Variants in FAM120A observed in about 807,000 individuals in gnomAD.
FAM120A encodes constitutive coactivator of PPAR-gamma-like protein 1.
Under a neutral mutation model 109.7 loss-of-function variants are expected in FAM120A, and 15 were observed. That is an observed-to-expected ratio of 0.14 (90% CI 0.09 to 0.21). FAM120A has a LOEUF of 0.21. FAM120A is among the 10% of genes least tolerant of loss of function. The pLI is 1.00. For synonymous variants in FAM120A, 493 were observed against 572.8 expected, an observed-to-expected ratio of 0.86 and a Z score of 1.99; for missense variants, 899 against 1,439.3, an observed-to-expected ratio of 0.62 and a Z score of 6.07.
intron 11 of FAM120A, among the ~76,000 whole-genome samples, chr9:93,547,309 C>T (rs1861922685): frequency 6.6e-6 from 1 of 152,174 alleles, no homozygotes; most frequent in Admixed American, 6.5e-5. Context: ...AATACAGTAA[C>T]AGGGATGGAG....
chr9:93,557,127 GTTTT>G (rs60903831), intron 13 of FAM120A, among the ~76,000 whole-genome samples: 2 of 120,184 alleles, frequency 1.7e-5, no homozygotes, highest in Admixed American at 8.7e-5. Context: ...GTTTGTTTTG[GTTTT>G]TTTTTTTTTT....
At chr9:93,549,045 A>G (rs182431264) in intron 11 of FAM120A, among the ~76,000 whole-genome samples, 145 of 151,894 alleles carry the variant, frequency 9.5e-4, no homozygotes, top group Non-Finnish European at 1.8e-3. Flanking sequence ...TCCATCTCAA[A>G]AAAAACAAAA....
At chr9:93,505,047 T>TTG (rs1859972794) in intron 5 of FAM120A, among the ~76,000 whole-genome samples, 3 of 135,348 alleles carry the variant, frequency 2.2e-5, no homozygotes, top group Non-Finnish European at 4.7e-5. Context: ...TGTTGTTCGC[T>TTG]TGTGTTTTTT....
rs572868965 is a variant in FAM120A at position 93,465,019 on chromosome 9, A to G, written c.475-6122A>G. Among the ~76,000 whole-genome samples, 3 of 152,296 alleles carry G rather than the reference A, an allele frequency of 2.0e-5. No individual in the cohort carries two copies. The South Asian group carries it at 6.2e-4, about 32-fold the overall frequency. Reference sequence around the variant, plus strand: ...GCCAGGGAAGAGAAGAAGCAGATAAATAAGAGTGAGAGAGTAGCTTAGTAT... The same window carrying G: ...GCCAGGGAAGAGAAGAAGCAGATAAGTAAGAGTGAGAGAGTAGCTTAGTAT... On this transcript the variant is annotated intron_variant, in intron 1 of 17. Transcript: ENST00000277165.
intron 2 of FAM120A, among the ~76,000 whole-genome samples, chr9:93,475,359 A>AT (rs1858504806): frequency 6.6e-6 from 1 of 152,224 alleles, no homozygotes; most frequent in Non-Finnish European, 1.5e-5. Flanking sequence ...ACTTTACATC[A>AT]TTTTGGACTA....
chr9:93,471,767 T>G (rs1050762001), intron 2 of FAM120A, among the ~76,000 whole-genome samples: 2 of 152,188 alleles, frequency 1.3e-5, no homozygotes, highest in African/African-American at 4.8e-5. Context: ...GCTATGGGGT[T>G]AGAATGGTTA....
At chr9:93,546,220 A>G (rs919362053) in intron 11 of FAM120A, among the ~76,000 whole-genome samples, 10 of 152,222 alleles carry the variant, frequency 6.6e-5, no homozygotes, top group Admixed American at 2.0e-4. Flanking sequence ...AGATCAAATT[A>G]GCAATAATGA....
rs375530799 is a variant in FAM120A at position 93,558,564 on chromosome 9, T to C, written c.2669-17T>C. 17 of 1,613,628 alleles carry C rather than the reference T, an allele frequency of 1.1e-5. No individual in the cohort carries two copies. The African/African-American group carries it at 1.3e-4, about 13-fold the overall frequency. ...CCCTTACACTTCTCCCCTCTCTCTCTACCCCGGGTCCCACAGGCGTCTGTG... is the reference window on the plus strand; with the variant it reads ...CCCTTACACTTCTCCCCTCTCTCTCCACCCCGGGTCCCACAGGCGTCTGTG... On this transcript the variant is annotated splice_polypyrimidine_tract_variant and intron_variant, in intron 14 of 17. Transcript: ENST00000277165.
chr9:93,563,229 G>C (rs1464079663), intron 17 of FAM120A, among the ~76,000 whole-genome samples: 1 of 152,208 alleles, frequency 6.6e-6, no homozygotes, highest in Non-Finnish European at 1.5e-5. Flanking sequence ...CCTAGAAGAT[G>C]CTGGAAGGTA....
intron 3 of FAM120A, among the ~76,000 whole-genome samples, chr9:93,491,013 G>T (rs1156908711): frequency 1.3e-5 from 2 of 152,158 alleles, no homozygotes; most frequent in Non-Finnish European, 2.9e-5. Context: ...CCTAACATGG[G>T]CCTGATAGAT....
intron 5 of FAM120A, among the ~76,000 whole-genome samples, chr9:93,512,828 G>A (rs187491464): frequency 5.4e-4 from 82 of 152,334 alleles, no homozygotes; most frequent in African/African-American, 1.9e-3. Context: ...TAATAGAATA[G>A]TGGCTTGCTC....
chr9:93,558,891 C>T (rs1436889821), intron 15 of FAM120A, among the ~76,000 whole-genome samples, 173 bp downstream of exon 15: 1 of 152,192 alleles, frequency 6.6e-6, no homozygotes, highest in Non-Finnish European at 1.5e-5. Context: ...ACTCTCTGCT[C>T]TCAGGTCTCA....
intron 3 of FAM120A, among the ~76,000 whole-genome samples, chr9:93,479,161 G>T (rs1858687453): frequency 1.4e-5 from 2 of 145,826 alleles, no homozygotes; most frequent in African/African-American, 2.6e-5. Flanking sequence ...TGCAGTGGCG[G>T]GATCTCGGCT....
intron 11 of FAM120A, among the ~76,000 whole-genome samples, chr9:93,546,035 C>G (rs1343621889): frequency 2.6e-5 from 4 of 152,054 alleles, no homozygotes; most frequent in East Asian, 1.9e-4. Flanking sequence ...ATCCACCCAC[C>G]TCGGCCTCCC....
intron 1 of FAM120A, among the ~76,000 whole-genome samples, chr9:93,463,032 G>T (rs540813622): frequency 1.6e-4 from 24 of 152,226 alleles, no homozygotes; most frequent in Admixed American, 5.9e-4. Context: ...TTTCAACCTG[G>T]AAGTGTAATT....
chr9:93,522,581 A>G (rs2131436996), intron 7 of FAM120A, among the ~76,000 whole-genome samples: 1 of 152,298 alleles, frequency 6.6e-6, no homozygotes, highest in South Asian at 2.1e-4. Context: ...ATATTTTTGC[A>G]TAAAATTACT....
chr9:93,488,578 C>G (rs1029015035), intron 3 of FAM120A, among the ~76,000 whole-genome samples: 10 of 152,050 alleles, frequency 6.6e-5, no homozygotes, highest in African/African-American at 2.2e-4. Flanking sequence ...AGCTCTCCGC[C>G]CAGTCCTCTC....
intron 5 of FAM120A, among the ~76,000 whole-genome samples, chr9:93,507,711 G>A (rs376636007): frequency 6.6e-6 from 1 of 152,178 alleles, no homozygotes; most frequent in Non-Finnish European, 1.5e-5. Flanking sequence ...AGATGAGGGC[G>A]CTGCCTGATA....
chr9:93,543,225 C>T lies in FAM120A; in HGVS notation c.1913C>T (p.Ser638Leu). ...CTCTGGCTTTTTTTTCCTGTAGTTT[C>T]ACCAGTGATCATTAAAGAATGGGCA... ...FRKNRLPPEF[S>L]PVIIKEWAAY... The change falls in exon 11 of 18, where the codon TCA becomes TTA. Residue 638 changes from serine to leucine, a missense_variant. Ser to Leu is a moderately radical substitution (Grantham distance 145). This residue lies in a region of FAM120A where 133 missense variants were observed against 276.6 expected (regional missense o/e 0.48). Coordinates refer to ENST00000277165, the MANE Select transcript of FAM120A (RefSeq NM_014612.5). 6.2e-7 allele frequency: 1 copy of T among 1,613,456 alleles called. No homozygotes were observed. The highest frequency in any genetic ancestry group is 8.5e-7 in the Non-Finnish European group (1 of 1,179,550).
Sources: gnomAD v4.1 joint callset for allele counts (sites outside exome capture counted in the v4.1 genomes callset) on GRCh38, gnomAD v4.1.1 for gene constraint, gnomAD v4.1.1 regional missense constraint, MANE v1.5 for transcripts, NCBI Gene and HGNC (gene_info 2026-07-23, HGNC 2026-07-21) for gene names.